The following KCTD8 variants were observed in gnomAD, a reference collection of about 807,000 sequenced individuals.
The protein encoded by KCTD8 is BTB/POZ domain-containing protein KCTD8.
In KCTD8, 27 loss-of-function variants were observed where a neutral mutation model predicts 31.5. The ratio of observed to expected loss-of-function variants is 0.86; its 90% CI spans 0.63 to 1.18. The LOEUF is 1.18. Among genes scored for constraint, KCTD8 ranks in the 50% most tolerant of loss-of-function variants. The probability of loss-of-function intolerance (pLI) is 0.00; values close to 1 mark genes in which losing one functional copy is unlikely to be tolerated. For missense variants in KCTD8, 658 were observed against 647.7 expected (o/e 1.02, Z -0.17); for synonymous variants, 290 against 280.0 (o/e 1.04, Z -0.36).
chr4:44,280,573 C>T (rs114165542), intron 1 of KCTD8, among the ~76,000 whole-genome samples: 1 of 152,152 alleles, frequency 6.6e-6, no homozygotes, highest in Non-Finnish European at 1.5e-5. Flanking sequence ...TATGCTCTCC[C>T]TCACAACTCC....
Position 44,448,543 on chromosome 4 carries a change from C to T in KCTD8, c.-20G>A. On this transcript the variant is annotated 5_prime_UTR_variant, in exon 1 of 2. Transcript: ENST00000360029. This position sits in a 1 kb window ranked among gnomAD's most constrained non-coding sequence, Gnocchi z 4.1. ...AGCCATAGTCCCCCCGCCGCCGGCC[C>T]AGTGACCCGAGAGAGCTGCACTTTC... The T allele has an allele frequency of 1.4e-6, 2 of 1,450,560 alleles. No individual in the cohort carries two copies. The highest frequency in any genetic ancestry group is 1.8e-6 in the Non-Finnish European group (2 of 1,106,526). The allele number at this position is 1,450,560 out of a possible 1,614,324, so 89.9% of individuals were successfully genotyped here.
chr4:44,294,341 A>G (rs143022658), intron 1 of KCTD8, among the ~76,000 whole-genome samples: 1 of 152,296 alleles, frequency 6.6e-6, no homozygotes, highest in East Asian at 1.9e-4. Flanking sequence ...CCACCAAAGC[A>G]CTCTTAAGAT....
At chr4:44,238,169 C>T (rs543941844) in intron 1 of KCTD8, among the ~76,000 whole-genome samples, 2 of 152,154 alleles carry the variant, frequency 1.3e-5, no homozygotes, top group South Asian at 4.2e-4. Context: ...TTTGTATGTG[C>T]TGTTCCCTCT....
intron 1 of KCTD8, among the ~76,000 whole-genome samples, chr4:44,267,462 C>A (rs1490858651): frequency 6.6e-6 from 1 of 152,048 alleles, no homozygotes; most frequent in African/African-American, 2.4e-5. Context: ...AAAATTGACA[C>A]CCTAACATCA....
chr4:44,268,099 A>T (rs1336545503), intron 1 of KCTD8, among the ~76,000 whole-genome samples: 3 of 152,230 alleles, frequency 2.0e-5, no homozygotes, highest in African/African-American at 7.2e-5. Context: ...AAAAAAGAGA[A>T]TTTCAGACCA....
chr4:44,410,719 C>T (rs1344347004), intron 1 of KCTD8, among the ~76,000 whole-genome samples: 4 of 151,926 alleles, frequency 2.6e-5, no homozygotes, highest in Non-Finnish European at 2.9e-5. Context: ...AGGAAAACTC[C>T]CCCTTATAAT....
At chr4:44,311,789 C>T (rs1291046825) in intron 1 of KCTD8, among the ~76,000 whole-genome samples, 1 of 151,292 alleles carries the variant, frequency 6.6e-6, no homozygotes, top group Non-Finnish European at 1.5e-5. Context: ...TTGATTGGAT[C>T]GAAAAAGCAG....
intron 1 of KCTD8, among the ~76,000 whole-genome samples, chr4:44,426,091 T>C (rs912709226): frequency 6.6e-6 from 1 of 151,202 alleles, no homozygotes; most frequent in African/African-American, 2.4e-5. Context: ...AGAAAAATTA[T>C]AAGAGAATTT....
intron 1 of KCTD8, among the ~76,000 whole-genome samples, chr4:44,440,889 A>G (rs1328043767): frequency 6.6e-6 from 1 of 152,216 alleles, no homozygotes; most frequent in African/African-American, 2.4e-5. Context: ...TTACATGACT[A>G]TGATGCCAAG....
At position 44,272,506 on chromosome 4, in the gene KCTD8, G is replaced by C. The variant is rs535295598; in HGVS notation, c.962-97256C>G. 2.0e-5 allele frequency among the ~76,000 whole-genome samples: 3 copies of C among 152,070 alleles called. No homozygotes were observed. In the East Asian group the frequency reaches 5.8e-4, roughly 29 times the overall value. ...ATTTAAAATATGTGTAGAATGAAGTGCTTTCTCTTGTACTTAAGTTTTTGA... is the reference window on the plus strand; with the variant it reads ...ATTTAAAATATGTGTAGAATGAAGTCCTTTCTCTTGTACTTAAGTTTTTGA... On this transcript the variant is annotated intron_variant, in intron 1 of 1. Transcript: ENST00000360029.
chr4:44,359,280 G>GTT (rs963213858), intron 1 of KCTD8, among the ~76,000 whole-genome samples: 1 of 147,430 alleles, frequency 6.8e-6, no homozygotes, highest in African/African-American at 2.5e-5. Flanking sequence ...TTCTTCTAGG[G>GTT]TTTTTTTTTT....
At chr4:44,187,804 A>G (rs972480846) in intron 1 of KCTD8, among the ~76,000 whole-genome samples, 3 of 152,142 alleles carry the variant, frequency 2.0e-5, no homozygotes, top group Non-Finnish European at 4.4e-5. Flanking sequence ...TTGGGGGTAC[A>G]CTTATGAGGG....
chr4:44,245,375 A>C (rs1203368524), intron 1 of KCTD8, among the ~76,000 whole-genome samples: 1 of 152,130 alleles, frequency 6.6e-6, no homozygotes, highest in Non-Finnish European at 1.5e-5. Flanking sequence ...CAAAATGCAC[A>C]TATCTATTAT....
intron 1 of KCTD8, among the ~76,000 whole-genome samples, chr4:44,392,725 A>G (rs1460759960): frequency 6.6e-6 from 1 of 151,998 alleles, no homozygotes; most frequent in Non-Finnish European, 1.5e-5. Flanking sequence ...CGGCACATAT[A>G]ACTTCCCCTC....
chr4:44,441,851 A>T (rs1721818713), intron 1 of KCTD8, among the ~76,000 whole-genome samples: 1 of 152,212 alleles, frequency 6.6e-6, no homozygotes, highest in Non-Finnish European at 1.5e-5. Context: ...CCTTGAAATA[A>T]TCAAATTTTT....
At chr4:44,263,857 A>G (rs897627519) in intron 1 of KCTD8, among the ~76,000 whole-genome samples, 21 of 152,194 alleles carry the variant, frequency 1.4e-4, no homozygotes, top group African/African-American at 5.1e-4. Flanking sequence ...AAGGACCCTA[A>G]GGAATTCCAA....
intron 1 of KCTD8, among the ~76,000 whole-genome samples, chr4:44,420,907 G>T (rs921858965): frequency 6.6e-6 from 1 of 151,910 alleles, no homozygotes; most frequent in Middle Eastern, 3.2e-3. Flanking sequence ...GTTTAAAATA[G>T]AGTAGGGTTA....
intron 1 of KCTD8, among the ~76,000 whole-genome samples, chr4:44,198,227 A>G (rs979679231): frequency 7.2e-5 from 11 of 152,232 alleles, no homozygotes; most frequent in Non-Finnish European, 1.6e-4. Flanking sequence ...TCTGAAAAAC[A>G]TATTTGAGTG....
chr4:44,432,587 C>A (rs1368699029), intron 1 of KCTD8, among the ~76,000 whole-genome samples: 6 of 151,494 alleles, frequency 4.0e-5, no homozygotes, highest in African/African-American at 1.5e-4. Context: ...TATTTCTTTA[C>A]CCATCCTGGA....
Sources: gnomAD v4.1 joint callset for allele counts (sites outside exome capture counted in the v4.1 genomes callset) on GRCh38, gnomAD v4.1.1 for gene constraint, Gnocchi (gnomAD v3.1) non-coding constraint, MANE v1.5 for transcripts, NCBI Gene and HGNC (gene_info 2026-07-23, HGNC 2026-07-21) for gene names.